DOCK2: variants seen among roughly 807,000 people sequenced by gnomAD.
DOCK2 encodes the protein dedicator of cytokinesis 2, also known as dedicator of cytokinesis protein 2.
In DOCK2, 87 loss-of-function variants were observed where a neutral mutation model predicts 248.9. The ratio of observed to expected loss-of-function variants is 0.35; its 90% CI spans 0.29 to 0.42. DOCK2 has a LOEUF of 0.42. DOCK2 is among the 10% of genes least tolerant of loss of function. The pLI is 1.00. For missense variants in DOCK2, 1,747 were observed against 2,300.2 expected (o/e 0.76, Z 4.92); for synonymous variants, 805 against 821.6 (o/e 0.98, Z 0.35).
chr5:169,987,302 T>C (rs1451116064), intron 29 of DOCK2, among the ~76,000 whole-genome samples: 1 of 152,216 alleles, frequency 6.6e-6, no homozygotes, highest in African/African-American at 2.4e-5. Flanking sequence ...TGCCCATCCA[T>C]GGACCTCTGC....
At chr5:169,721,464 T>C (rs1762201206) in intron 22 of DOCK2, among the ~76,000 whole-genome samples, 1 of 152,214 alleles carries the variant, frequency 6.6e-6, no homozygotes, top group Non-Finnish European at 1.5e-5. Context: ...TGGGAAGCTA[T>C]TGGGGTATTT....
chr5:169,729,690 A>T (rs993036840), intron 22 of DOCK2, among the ~76,000 whole-genome samples: 3 of 152,232 alleles, frequency 2.0e-5, no homozygotes, highest in African/African-American at 7.2e-5. Context: ...TAGAGAAATG[A>T]ATAAACCAAG....
chr5:169,769,010 C>A (rs1290312807), intron 25 of DOCK2, among the ~76,000 whole-genome samples: 1 of 152,164 alleles, frequency 6.6e-6, no homozygotes, highest in Non-Finnish European at 1.5e-5. Flanking sequence ...AACATTTAGT[C>A]CCTGGGGAAG....
At chr5:169,859,049 T>C (rs1342395890) in intron 27 of DOCK2, among the ~76,000 whole-genome samples, 2 of 151,938 alleles carry the variant, frequency 1.3e-5, no homozygotes, top group Non-Finnish European at 2.9e-5. Flanking sequence ...AAAGAAGAGA[T>C]TGCATGTGGG....
intron 27 of DOCK2, chr5:169,875,099 A>C: frequency 2.4e-6 from 1 of 419,070 alleles, no homozygotes; most frequent in Non-Finnish European, 4.8e-6. Flanking sequence ...GCTATTTTAC[A>C]AGCAAGTATT....
intron 42 of DOCK2, among the ~76,000 whole-genome samples, chr5:170,055,952 G>A (rs1016103941): frequency 1.3e-5 from 2 of 152,246 alleles, no homozygotes; most frequent in African/African-American, 4.8e-5. Context: ...TGGGACCCAA[G>A]GCTGTATGCC....
intron 2 of DOCK2, among the ~76,000 whole-genome samples, chr5:169,667,206 T>C (rs1758786123): frequency 6.6e-6 from 1 of 152,226 alleles, no homozygotes; most frequent in African/African-American, 2.4e-5. Flanking sequence ...TTAGCCATCA[T>C]GTGGGTTCAA....
chr5:170,014,303 T>C (rs1452778437), intron 32 of DOCK2, among the ~76,000 whole-genome samples: 1 of 152,206 alleles, frequency 6.6e-6, no homozygotes, highest in African/African-American at 2.4e-5. Flanking sequence ...ACCTGTGGAA[T>C]ATGTTACCTG....
chr5:169,900,226 C>A (rs905671005), intron 27 of DOCK2, among the ~76,000 whole-genome samples: 12 of 152,148 alleles, frequency 7.9e-5, no homozygotes, highest in Non-Finnish European at 4.4e-5. Context: ...TTGTAGAAAT[C>A]CACCATCCCA....
At chr5:169,750,182 A>G (rs1462524094) in intron 23 of DOCK2, among the ~76,000 whole-genome samples, 2 of 152,230 alleles carry the variant, frequency 1.3e-5, no homozygotes, top group African/African-American at 2.4e-5. Context: ...GGAGAGAAGA[A>G]TGGAAGAGGG....
chr5:169,839,566 A>G (rs1769814442), intron 26 of DOCK2, among the ~76,000 whole-genome samples: 1 of 152,334 alleles, frequency 6.6e-6, no homozygotes, highest in Admixed American at 6.5e-5. Context: ...GCTCCAAGAT[A>G]TAGATGAATA....
intron 23 of DOCK2, among the ~76,000 whole-genome samples, chr5:169,753,014 G>A (rs544571248): frequency 2.0e-5 from 3 of 152,204 alleles, no homozygotes; most frequent in East Asian, 1.9e-4. Context: ...GCAGTGAGCC[G>A]AGATTGCGCC....
chr5:169,756,876 G>T (rs1352642703), intron 23 of DOCK2, among the ~76,000 whole-genome samples: 3 of 149,798 alleles, frequency 2.0e-5, no homozygotes, highest in African/African-American at 7.4e-5. Flanking sequence ...AGTGAGCTGA[G>T]ATCACCCCAT....
intron 41 of DOCK2, among the ~76,000 whole-genome samples, chr5:170,051,917 G>A (rs1264802445): frequency 6.6e-6 from 1 of 152,230 alleles, no homozygotes; most frequent in Non-Finnish European, 1.5e-5. Context: ...ATATTAGGGT[G>A]CCGTATAAGT....
At position 169,695,714 on chromosome 5, in the gene DOCK2, C is replaced by T. The variant is rs966696190; in HGVS notation, c.844-89C>T. 16 of 1,574,420 alleles carry T rather than the reference C, an allele frequency of 1.0e-5. No individual in the cohort carries two copies. The African/African-American group carries it at 1.9e-4, about 19-fold the overall frequency. ...TGTATAGCAAGTATTATATACATCC[C>T]TCAGAAATTACTATTACTGGGTTTT... On this transcript the variant is annotated intron_variant, in intron 9 of 51. Coordinates refer to ENST00000520908, the MANE Select transcript of DOCK2 (RefSeq NM_004946.3).
intron 40 of DOCK2, 62 bp downstream of exon 40, chr5:170,047,676 C>A: frequency 6.9e-7 from 1 of 1,454,448 alleles, no homozygotes; most frequent in Non-Finnish European, 9.6e-7. Context: ...TCTCAGCGGT[C>A]CTTCTATGCT....
At chr5:169,992,280 A>G (rs1328399445) in intron 29 of DOCK2, among the ~76,000 whole-genome samples, 4 of 152,220 alleles carry the variant, frequency 2.6e-5, no homozygotes, top group African/African-American at 9.6e-5. Context: ...GTTGAAAACC[A>G]TGGTTGGGAT....
intron 27 of DOCK2, among the ~76,000 whole-genome samples, chr5:169,909,923 C>T (rs947553316): frequency 1.8e-4 from 27 of 152,236 alleles, no homozygotes; most frequent in Admixed American, 8.5e-4. Context: ...TTCTCAGTCC[C>T]ACAATTGACC....
At chr5:170,022,922 G>C (rs1483743290) in intron 33 of DOCK2, among the ~76,000 whole-genome samples, 2 of 152,220 alleles carry the variant, frequency 1.3e-5, no homozygotes, top group Admixed American at 6.5e-5. Context: ...ATCGGCACAG[G>C]GAGGTGCATT....
Sources: gnomAD v4.1 joint callset for allele counts (sites outside exome capture counted in the v4.1 genomes callset) on GRCh38, gnomAD v4.1.1 for gene constraint, MANE v1.5 for transcripts, NCBI Gene and HGNC (gene_info 2026-07-23, HGNC 2026-07-21) for gene names.